KDM4C: variants seen among roughly 807,000 people sequenced by gnomAD.
KDM4C encodes the protein lysine demethylase 4C.
Under a neutral mutation model 129.3 loss-of-function variants are expected in KDM4C, and 81 were observed. The observed-to-expected ratio is 0.63, with a 90% CI of 0.52 to 0.75. The LOEUF (loss-of-function observed/expected upper bound fraction) is 0.75, where lower values mean the gene tolerates loss of function less well. Among genes scored for constraint, KDM4C ranks in the 30% least tolerant of loss-of-function variants. The pLI is 0.00. For synonymous variants in KDM4C, 573 were observed against 456.1 expected (o/e 1.26, Z -3.26); for missense variants, 1,457 against 1,304.0 (o/e 1.12, Z -1.81).
intron 17 of KDM4C, among the ~76,000 whole-genome samples, chr9:7,097,728 G>T (rs1029935916): frequency 6.6e-6 from 1 of 152,142 alleles, no homozygotes; most frequent in Non-Finnish European, 1.5e-5. Flanking sequence ...CTTTCCTATT[G>T]TGATTATGGC....
chr9:6,771,190 C>A (rs1187004675), intron 1 of KDM4C, among the ~76,000 whole-genome samples: 5 of 150,100 alleles, frequency 3.3e-5, no homozygotes, highest in African/African-American at 1.2e-4. Flanking sequence ...GGCCTCCCCC[C>A]AAAGTGCTAG....
chr9:6,984,361 G>T lies in KDM4C; in HGVS notation c.1311G>T (p.Arg437Ser). ...CAGAAGAAGAGTCATCTGCTAGCAG[G>T]ATGCAGGTGGAGCAGAATTTATCAG... ...ASSEEESSAS[R>S]MQVEQNLSDH... Residue 437 changes from arginine to serine, a missense_variant, in exon 10 of 22, where the codon AGG becomes AGT. By Grantham distance (110) the Arg-to-Ser change is moderately radical. Transcript: ENST00000381309. 6.2e-7 allele frequency: 1 copy of T among 1,613,858 alleles called. No individual in the cohort carries two copies. Among genetic ancestry groups the T allele is most frequent in the Non-Finnish European group, 8.5e-7 (1 of 1,179,780 alleles).
chr9:6,856,171 C>G (rs79690907), intron 5 of KDM4C, among the ~76,000 whole-genome samples: 8 of 142,932 alleles, frequency 5.6e-5, no homozygotes, highest in Non-Finnish European at 9.3e-5. Context: ...ATTTGAAGAT[C>G]AAAAAAAAAA....
chr9:6,943,522 A>G (rs2131418575), intron 8 of KDM4C, among the ~76,000 whole-genome samples: 1 of 152,176 alleles, frequency 6.6e-6, no homozygotes, highest in African/African-American at 2.4e-5. Context: ...CAGCCTGGGT[A>G]ACGTTAGCTG....
At chr9:6,997,160 A>G (rs1173587893) in intron 12 of KDM4C, among the ~76,000 whole-genome samples, 2 of 152,242 alleles carry the variant, frequency 1.3e-5, no homozygotes, top group Middle Eastern at 3.4e-3. Context: ...TTTGGCACAT[A>G]ATGACTGTTT....
At chr9:7,104,486 A>C (rs1331610293) in intron 18 of KDM4C, 1 of 152,154 alleles carries the variant, frequency 6.6e-6, no homozygotes, top group Non-Finnish European at 1.5e-5. Context: ...TATAGAGAAC[A>C]ATTTTTTTGA....
At chr9:6,816,319 A>G (rs1047644956) in intron 4 of KDM4C, among the ~76,000 whole-genome samples, 1 of 152,204 alleles carries the variant, frequency 6.6e-6, no homozygotes, top group Admixed American at 6.5e-5. Context: ...TTGTAAAGTG[A>G]ACACCTGTGT....
chr9:7,106,954 G>C (rs1194261282), intron 18 of KDM4C, among the ~76,000 whole-genome samples: 1 of 151,926 alleles, frequency 6.6e-6, no homozygotes, highest in African/African-American at 2.4e-5. Context: ...AAAAAAATAG[G>C]GTAAAACTTC....
chr9:6,935,653 A>G (rs2131347360), intron 8 of KDM4C, among the ~76,000 whole-genome samples: 1 of 151,594 alleles, frequency 6.6e-6, no homozygotes, highest in East Asian at 1.9e-4. Flanking sequence ...GTAATATTTC[A>G]TAACCAATGT....
At chr9:6,953,585 A>G (rs764370544) in intron 8 of KDM4C, among the ~76,000 whole-genome samples, 9 of 152,194 alleles carry the variant, frequency 5.9e-5, no homozygotes, top group Non-Finnish European at 8.8e-5. Context: ...ATGTGTATTT[A>G]AGGGAGTAAT....
intron 17 of KDM4C, among the ~76,000 whole-genome samples, chr9:7,097,683 AGTCCAATC>A (rs1836604276): frequency 6.6e-6 from 1 of 152,186 alleles, no homozygotes; most frequent in African/African-American, 2.4e-5. Flanking sequence ...TTGCCCTGCC[AGTCCAATC>A]GTCTCTTAAA....
chr9:7,134,849 T>C (rs1841021726), intron 19 of KDM4C, among the ~76,000 whole-genome samples: 1 of 152,212 alleles, frequency 6.6e-6, no homozygotes, highest in Non-Finnish European at 1.5e-5. Context: ...CAGGGGCTCC[T>C]AATTAAGGTC....
At chr9:6,974,770 A>G (rs1832655605) in intron 8 of KDM4C, 1 of 152,170 alleles carries the variant, frequency 6.6e-6, no homozygotes, top group Non-Finnish European at 1.5e-5. Context: ...CCTCAGATTT[A>G]TCATCCATAT....
At chr9:6,763,216 T>C (rs1414111600) in intron 1 of KDM4C, among the ~76,000 whole-genome samples, 4 of 152,200 alleles carry the variant, frequency 2.6e-5, no homozygotes, top group Non-Finnish European at 5.9e-5. Context: ...GCTCTGTGTG[T>C]GACTGCCCAG....
chr9:6,876,690 A>G (rs1843610526), intron 5 of KDM4C, among the ~76,000 whole-genome samples: 1 of 152,114 alleles, frequency 6.6e-6, no homozygotes, highest in Non-Finnish European at 1.5e-5. Flanking sequence ...GTGCTGTTGC[A>G]GAGAAGTCAG....
intron 17 of KDM4C, among the ~76,000 whole-genome samples, chr9:7,085,798 A>G (rs1376160890): frequency 6.6e-6 from 1 of 152,162 alleles, no homozygotes; most frequent in African/African-American, 2.4e-5. Flanking sequence ...TGAATGGAGC[A>G]TGCAGTCTCA....
At chr9:6,847,665 C>G (rs1588670151) in intron 4 of KDM4C, among the ~76,000 whole-genome samples, 1 of 152,220 alleles carries the variant, frequency 6.6e-6, no homozygotes, top group African/African-American at 2.4e-5. Flanking sequence ...GCTGGGATTA[C>G]AGGCGTGAGT....
intron 1 of KDM4C, among the ~76,000 whole-genome samples, chr9:6,739,312 A>G (rs1425760667): frequency 6.6e-6 from 1 of 151,794 alleles, no homozygotes; most frequent in African/African-American, 2.4e-5. Flanking sequence ...TCCTCAGGTG[A>G]CCTGTCCCCC....
intron 1 of KDM4C, among the ~76,000 whole-genome samples, chr9:6,740,423 T>TC (rs1817649978): frequency 6.6e-6 from 1 of 151,974 alleles, no homozygotes; most frequent in Non-Finnish European, 1.5e-5. Context: ...CAGGATGGTC[T>TC]TGATCTCCTG....
Sources: gnomAD v4.1 joint callset for allele counts (sites outside exome capture counted in the v4.1 genomes callset) on GRCh38, gnomAD v4.1.1 for gene constraint, MANE v1.5 for transcripts, NCBI Gene and HGNC (gene_info 2026-07-23, HGNC 2026-07-21) for gene names.